Variants in LARGE1 observed in about 807,000 individuals in gnomAD.
The protein encoded by LARGE1 is LARGE xylosyl- and glucuronyltransferase 1.
Under a neutral mutation model 87.6 loss-of-function variants are expected in LARGE1, and 43 were observed. The observed-to-expected ratio is 0.49, with a 90% CI of 0.38 to 0.63. The LOEUF is 0.63. Ranked by LOEUF, LARGE1 falls within the 30% of genes least tolerant of loss-of-function variation. The pLI, the probability that LARGE1 is intolerant of heterozygous loss-of-function variation, is 0.00. For missense variants in LARGE1, 802 were observed against 1,000.2 expected, an observed-to-expected ratio of 0.80 and a Z score of 2.67; for synonymous variants, 434 against 394.6, an observed-to-expected ratio of 1.10 and a Z score of -1.18.
At chr22:33,225,219 C>T (rs569289305) in intron 11 of LARGE1, among the ~76,000 whole-genome samples, 13 of 152,140 alleles carry the variant, frequency 8.5e-5, no homozygotes, top group South Asian at 4.1e-4. Flanking sequence ...CAAGGTAGGA[C>T]GGTCTGCTTG....
intron 9 of LARGE1, among the ~76,000 whole-genome samples, chr22:33,356,671 G>A (rs1048599842): frequency 1.3e-5 from 2 of 152,192 alleles, no homozygotes; most frequent in African/African-American, 4.8e-5. Flanking sequence ...TTGGGAGGCT[G>A]AGGCAGGAGA....
the LARGE1 span, among the ~76,000 whole-genome samples, chr22:33,100,948 C>T: frequency 6.6e-6 from 1 of 151,682 alleles, no homozygotes; most frequent in Non-Finnish European, 1.5e-5. Flanking sequence ...CAAGTTCAAG[C>T]GATTCTCCTG....
chr22:33,269,771 C>G (rs899029716), downstream of LARGE1, among the ~76,000 whole-genome samples: 1 of 151,950 alleles, frequency 6.6e-6, no homozygotes, highest in African/African-American at 2.4e-5. Flanking sequence ...TTTGGGAGGC[C>G]GAGGTGGGCG....
At chr22:33,606,540 G>A (rs942938580) in intron 4 of LARGE1, among the ~76,000 whole-genome samples, 1 of 152,172 alleles carries the variant, frequency 6.6e-6, no homozygotes, top group South Asian at 2.1e-4. Flanking sequence ...CCCCACACCT[G>A]TCCTATGTTC....
chr22:33,675,448 CTG>C (rs2081550240), intron 2 of LARGE1, among the ~76,000 whole-genome samples: 1 of 151,972 alleles, frequency 6.6e-6, no homozygotes, highest in Admixed American at 6.6e-5. Context: ...AGGGCATAGA[CTG>C]TGGCAGAGCA....
chr22:33,186,905 T>A (rs1353987605), intron 11 of LARGE1, among the ~76,000 whole-genome samples: 1 of 152,170 alleles, frequency 6.6e-6, no homozygotes, highest in South Asian at 2.1e-4. Context: ...TATAAATTTA[T>A]GTATCTATAT....
At chr22:33,586,428 C>G (rs182668022) in intron 5 of LARGE1, among the ~76,000 whole-genome samples, 1 of 151,960 alleles carries the variant, frequency 6.6e-6, no homozygotes, top group Non-Finnish European at 1.5e-5. Context: ...CGCCATGCTG[C>G]CCCCAAACAG....
chr22:33,340,790 G>T (rs1939055154), intron 9 of LARGE1, among the ~76,000 whole-genome samples: 1 of 151,854 alleles, frequency 6.6e-6, no homozygotes, highest in African/African-American at 2.4e-5. Flanking sequence ...TAAAGGGGAA[G>T]AAACAGTGAA....
intron 11 of LARGE1, among the ~76,000 whole-genome samples, chr22:33,201,352 GAA>G (rs1474036161): frequency 1.4e-5 from 2 of 147,754 alleles, no homozygotes; most frequent in Non-Finnish European, 3.0e-5. Flanking sequence ...GAAAGAGAGA[GAA>G]AGAGAGAGAG....
At chr22:33,241,572 ATG>A (rs908739799) in intron 11 of LARGE1, among the ~76,000 whole-genome samples, 19 of 146,154 alleles carry the variant, frequency 1.3e-4, no homozygotes, top group African/African-American at 4.7e-4. Flanking sequence ...ATGTGTATAT[ATG>A]TGTGTATATG....
At chr22:33,160,003 A>G (rs1921971758), downstream of LARGE1, among the ~76,000 whole-genome samples, 2 of 152,156 alleles carry the variant, frequency 1.3e-5, no homozygotes, top group Admixed American at 1.3e-4. Context: ...TTTGCATAAA[A>G]GAAAGATATA....
At chr22:33,648,237 A>G (rs1489166515) in intron 3 of LARGE1, among the ~76,000 whole-genome samples, 1 of 152,252 alleles carries the variant, frequency 6.6e-6, no homozygotes, top group African/African-American at 2.4e-5. Flanking sequence ...CTCCCAAATT[A>G]CAATGAGTTA....
chr22:33,098,650 A>G, the LARGE1 span, among the ~76,000 whole-genome samples: 1 of 152,314 alleles, frequency 6.6e-6, no homozygotes. Context: ...AATAAAAAAT[A>G]TAGTATGTTT....
At chr22:33,500,053 G>C (rs1042398654) in intron 6 of LARGE1, among the ~76,000 whole-genome samples, 15 of 152,162 alleles carry the variant, frequency 9.9e-5, no homozygotes, top group African/African-American at 3.4e-4. Context: ...GGATTACAAG[G>C]CGTGAGTCAC....
intron 6 of LARGE1, among the ~76,000 whole-genome samples, chr22:33,493,419 C>G (rs2069952985): frequency 6.6e-6 from 1 of 152,080 alleles, no homozygotes; most frequent in Admixed American, 6.5e-5. Context: ...CCTCGGCCTC[C>G]CAAAGTGCTG....
At chr22:33,347,685 C>T (rs1939917426) in intron 9 of LARGE1, among the ~76,000 whole-genome samples, 1 of 152,172 alleles carries the variant, frequency 6.6e-6, no homozygotes, top group Non-Finnish European at 1.5e-5. Flanking sequence ...GACAAACCTA[C>T]AAGCCAGACC....
chr22:33,843,585 T>A (rs1231278234), intron 1 of LARGE1, among the ~76,000 whole-genome samples: 1 of 151,914 alleles, frequency 6.6e-6, no homozygotes, highest in African/African-American at 2.4e-5. Context: ...CCTCTAGCAG[T>A]CCCACCACCA....
intron 2 of LARGE1, among the ~76,000 whole-genome samples, chr22:33,728,578 A>AC (rs2083352540): frequency 6.8e-6 from 1 of 146,510 alleles, no homozygotes; most frequent in African/African-American, 2.7e-5. Context: ...AAAAAAAAAA[A>AC]ACCAACAACA....
At chr22:33,136,482 T>C in the LARGE1 span, among the ~76,000 whole-genome samples, 1 of 152,128 alleles carries the variant, frequency 6.6e-6, no homozygotes, top group Non-Finnish European at 1.5e-5. Flanking sequence ...TCCCACAACA[T>C]GTGGGAATTA....
Sources: allele counts gnomAD v4.1 joint callset (sites outside exome capture counted in the v4.1 genomes callset), GRCh38; gene constraint gnomAD v4.1.1; transcripts MANE v1.5; gene names NCBI Gene and HGNC (gene_info 2026-07-23, HGNC 2026-07-21).